The following VPS13D variants were observed in gnomAD, a reference collection of about 807,000 sequenced individuals.
VPS13D encodes the protein intermembrane lipid transfer protein VPS13D.
A neutral mutation model predicts 461.9 loss-of-function variants in VPS13D; 187 were observed. That is an observed-to-expected ratio of 0.40 (90% confidence interval 0.36 to 0.46). The LOEUF is 0.46. Ranked by LOEUF, VPS13D falls within the 20% of genes least tolerant of loss-of-function variation. The pLI is 0.60. For synonymous variants in VPS13D, 1,951 were observed against 1,986.3 expected (o/e 0.98, Z 0.47); for missense variants, 4,711 against 5,364.9 (o/e 0.88, Z 3.81).
chr1:12,447,483 T>G (rs914839259), intron 65 of VPS13D, among the ~76,000 whole-genome samples: 2 of 152,202 alleles, frequency 1.3e-5, no homozygotes, highest in East Asian at 3.8e-4. Flanking sequence ...ATGCTTATGA[T>G]TCCAGAAGTT....
At chr1:12,506,493 TC>T (rs1365421255) in intron 68 of VPS13D, among the ~76,000 whole-genome samples, 2 of 152,102 alleles carry the variant, frequency 1.3e-5, no homozygotes, top group African/African-American at 4.8e-5. Context: ...ATTCTGCTTT[TC>T]CCCCCTCAGC....
At chr1:12,367,644 G>A (rs998271591) in intron 52 of VPS13D, 1 of 151,688 alleles carries the variant, frequency 6.6e-6, no homozygotes, top group African/African-American at 2.4e-5. Flanking sequence ...GCACAATCTC[G>A]GCTCCCTGGA....
chr1:12,428,497 A>G (rs957801550), intron 65 of VPS13D, among the ~76,000 whole-genome samples: 8 of 152,240 alleles, frequency 5.3e-5, no homozygotes, highest in African/African-American at 1.7e-4. Flanking sequence ...TAAAGTGTGC[A>G]GAGAACATGA....
intron 54 of VPS13D, among the ~76,000 whole-genome samples, chr1:12,372,539 A>G (rs889305061): frequency 2.6e-5 from 4 of 152,192 alleles, no homozygotes; most frequent in African/African-American, 9.7e-5. Context: ...AATACTTTCC[A>G]TATTTCAAAT....
At chr1:12,273,224 T>C in intron 18 of VPS13D, 89 bp downstream of exon 18, 1 of 1,438,804 alleles carries the variant, frequency 7.0e-7, no homozygotes, top group Non-Finnish European at 9.3e-7. Flanking sequence ...ATAAAATGTT[T>C]ATGTAACATT....
intron 68 of VPS13D, among the ~76,000 whole-genome samples, chr1:12,504,152 GAAA>G (rs1646073084): frequency 3.9e-5 from 6 of 152,042 alleles, no homozygotes; most frequent in Admixed American, 3.9e-4. Flanking sequence ...GTAAAAAAAA[GAAA>G]AAGAAAAAAT....
chr1:12,435,563 G>A (rs987202336), intron 65 of VPS13D, among the ~76,000 whole-genome samples: 4 of 152,092 alleles, frequency 2.6e-5, no homozygotes, highest in Non-Finnish European at 5.9e-5. Context: ...TCCTCATAAC[G>A]ACCCTGTGGA....
At chr1:12,241,905 G>A (rs920384887) in intron 2 of VPS13D, among the ~76,000 whole-genome samples, 3 of 152,126 alleles carry the variant, frequency 2.0e-5, no homozygotes, top group East Asian at 3.8e-4. Flanking sequence ...AGATTCAGAG[G>A]TAGTTGGTCT....
In VPS13D at chr1:12,354,042, C is replaced by G. The variant is rs1243123712; in HGVS notation, c.9500C>G (p.Ala3167Gly). ...CCCTCAAACATATTTTCTGACAGTG[C>G]AAAACAGATTTTCAGACAGCCTGGG... ...YMPSNIFSDS[A>G]KQIFRQPGHT... Residue 3167 changes from alanine (A) to glycine (G), a missense_variant, in exon 47 of 70, where the codon GCA becomes GGA. Physicochemically the swap from Ala to Gly is moderately conservative, Grantham distance 60. Around this residue, in one of 3 missense-constraint regions of VPS13D, gnomAD observed 4,411 missense variants for 4,937.8 expected, o/e 0.89. Transcript: ENST00000620676. The G allele has an allele frequency of 6.2e-7, 1 of 1,614,110 alleles. No homozygotes were observed. Among genetic ancestry groups the G allele is most frequent in the Non-Finnish European group, 8.5e-7 (1 of 1,180,008 alleles).
intron 57 of VPS13D, 138 bp from the exon 58 acceptor site, chr1:12,382,838 G>A (rs1353582688): frequency 4.2e-6 from 3 of 716,896 alleles, no homozygotes; most frequent in South Asian, 2.3e-5. Context: ...TGAACAAATA[G>A]TAAAGGCTTT....
chr1:12,334,391 T>G (rs974116794), intron 38 of VPS13D, among the ~76,000 whole-genome samples: 1 of 152,260 alleles, frequency 6.6e-6, no homozygotes. Flanking sequence ...TTTGTGGTAG[T>G]CTTTTGAAAA....
intron 57 of VPS13D, 144 bp from the exon 58 acceptor site, chr1:12,382,832 C>A: frequency 1.5e-6 from 1 of 683,734 alleles, no homozygotes; most frequent in Non-Finnish European, 2.4e-6. Flanking sequence ...CAAAGCTGAA[C>A]AAATAGTAAA....
chr1:12,373,759 G>C lies in VPS13D; in HGVS notation c.10818G>C (p.Glu3606Asp). The C allele has an allele frequency of 1.3e-6, 2 of 1,499,762 alleles. No individual in the cohort carries two copies. The highest frequency in any genetic ancestry group is 1.8e-6 in the Non-Finnish European group (2 of 1,130,814). The allele number at this position is 1,499,762 out of a possible 1,614,324, so 92.9% of individuals were successfully genotyped here. ...AATYTFSGLQ[E>D]GTGRPVASNK... Reference sequence around the variant, plus strand: ...ATTTTTTAAATTCTAGCTTGCAGGAGGGAACAGGCAGGCCTGTGGCTTCCA... The same window carrying C: ...ATTTTTTAAATTCTAGCTTGCAGGACGGAACAGGCAGGCCTGTGGCTTCCA... Residue 3606 changes from glutamate to aspartate, a missense_variant, in exon 55 of 70, where the codon GAG becomes GAC. Coordinates refer to ENST00000620676, the MANE Select transcript of VPS13D (RefSeq NM_015378.4).
chr1:12,273,740 C>A (rs772689127), intron 18 of VPS13D, among the ~76,000 whole-genome samples: 1 of 152,128 alleles, frequency 6.6e-6, no homozygotes, highest in African/African-American at 2.4e-5. Flanking sequence ...TTCCTTCCTT[C>A]GTATAGCCGA....
chr1:12,292,147 T>C (rs963453068), intron 23 of VPS13D, among the ~76,000 whole-genome samples: 1 of 149,952 alleles, frequency 6.7e-6, no homozygotes, highest in Non-Finnish European at 1.5e-5. Flanking sequence ...TAATCCCAGC[T>C]AGTCGGGAGG....
chr1:12,232,818 T>G (rs1231221144), intron 1 of VPS13D, among the ~76,000 whole-genome samples: 8 of 152,066 alleles, frequency 5.3e-5, no homozygotes, highest in African/African-American at 1.9e-4. Flanking sequence ...CAGGTACCAG[T>G]AATGCAGTTC....
intron 30 of VPS13D, among the ~76,000 whole-genome samples, chr1:12,316,537 AT>A (rs1221962017): frequency 6.6e-6 from 1 of 152,088 alleles, no homozygotes; most frequent in Non-Finnish European, 1.5e-5. Context: ...TGAGGGCAAC[AT>A]TTTTTCTCCA....
intron 67 of VPS13D, among the ~76,000 whole-genome samples, chr1:12,479,534 A>G (rs907067028): frequency 1.3e-5 from 2 of 152,230 alleles, no homozygotes; most frequent in Non-Finnish European, 1.5e-5. Context: ...GGTGGGTGCT[A>G]TACTTTCCCC....
intron 63 of VPS13D, among the ~76,000 whole-genome samples, chr1:12,412,819 A>G (rs996186132): frequency 1.3e-5 from 2 of 152,226 alleles, no homozygotes; most frequent in African/African-American, 4.8e-5. Flanking sequence ...TAAAATTAAG[A>G]CTGTCTGATC....
Sources: gnomAD v4.1 joint callset for allele counts (sites outside exome capture counted in the v4.1 genomes callset) on GRCh38, gnomAD v4.1.1 for gene constraint, gnomAD v4.1.1 regional missense constraint, MANE v1.5 for transcripts, NCBI Gene and HGNC (gene_info 2026-07-23, HGNC 2026-07-21) for gene names.